IL1RAPL1: variants seen among roughly 807,000 people sequenced by gnomAD.
IL1RAPL1 encodes interleukin-1 receptor accessory protein-like 1.
In IL1RAPL1, 3 loss-of-function variants were observed where a neutral mutation model predicts 48.4. That is an observed-to-expected ratio of 0.06 (90% CI 0.03 to 0.16). The LOEUF (loss-of-function observed/expected upper bound fraction) is 0.16, where lower values mean the gene tolerates loss of function less well. Ranked by LOEUF, IL1RAPL1 falls within the 10% of genes least tolerant of loss-of-function variation. The probability of loss-of-function intolerance (pLI) is 1.00; values close to 1 mark genes in which losing one functional copy is unlikely to be tolerated. For missense variants in IL1RAPL1, 349 were observed against 530.6 expected, an observed-to-expected ratio of 0.66 and a Z score of 3.36; for synonymous variants, 185 against 187.7, an observed-to-expected ratio of 0.99 and a Z score of 0.12.
chrX:29,650,268 A>T (rs1925473208), intron 5 of IL1RAPL1, among the ~76,000 whole-genome samples: 2 of 112,122 alleles, frequency 1.8e-5, no homozygotes, highest in Non-Finnish European at 3.8e-5. Flanking sequence ...CAGAAATAGA[A>T]CAAAGAATCC....
At chrX:29,636,247 A>T (rs970374178) in intron 5 of IL1RAPL1, among the ~76,000 whole-genome samples, 3 of 112,304 alleles carry the variant, frequency 2.7e-5, no homozygotes, top group African/African-American at 9.7e-5. Flanking sequence ...TCAAAGTTAT[A>T]GTATTATAAT....
At chrX:29,795,903 G>T (rs1162019008) in intron 6 of IL1RAPL1, among the ~76,000 whole-genome samples, 2 of 112,608 alleles carry the variant, frequency 1.8e-5, no homozygotes, top group African/African-American at 6.4e-5. Flanking sequence ...AAGACATCAA[G>T]AATAGTTCTG....
chrX:29,874,681 A>G (rs991679519), intron 6 of IL1RAPL1, among the ~76,000 whole-genome samples: 4 of 112,500 alleles, frequency 3.6e-5, no homozygotes, highest in African/African-American at 1.3e-4. Context: ...TCAAAAACCA[A>G]TGCCCACATA....
intron 5 of IL1RAPL1, among the ~76,000 whole-genome samples, chrX:29,566,511 A>C (rs1013399416): frequency 8.9e-6 from 1 of 112,261 alleles, no homozygotes; most frequent in Non-Finnish European, 1.9e-5. Flanking sequence ...TTGAAAACTA[A>C]TTGAGGGATA....
intron 1 of IL1RAPL1, among the ~76,000 whole-genome samples, chrX:28,780,363 G>GTGTGTGTGTGTGTC (rs56989010): frequency 2.3e-3 from 213 of 91,418 alleles, no homozygotes; most frequent in East Asian, 3.4e-3. Context: ...GTGTGTGTGT[G>GTGTGTGTGTGTGTC]TGTCTGTCTG....
intron 5 of IL1RAPL1, among the ~76,000 whole-genome samples, chrX:29,451,942 A>C (rs1417527524): frequency 8.9e-6 from 1 of 111,951 alleles, no homozygotes; most frequent in Non-Finnish European, 1.9e-5. Flanking sequence ...TTGTTCTAAG[A>C]CTTTTTGTGC....
intron 1 of IL1RAPL1, among the ~76,000 whole-genome samples, chrX:28,657,766 C>A (rs748572893): frequency 1.6e-4 from 18 of 111,773 alleles, no homozygotes; most frequent in Admixed American, 1.4e-3. Flanking sequence ...CCCCTCTAAC[C>A]CTGTCCTTGC....
chrX:28,892,088 A>G (rs1033155132), intron 2 of IL1RAPL1, among the ~76,000 whole-genome samples: 18 of 110,889 alleles, frequency 1.6e-4, no homozygotes, highest in Non-Finnish European at 2.1e-4. Context: ...ATTGAATTAT[A>G]AGAGTTCTTT....
At chrX:28,687,804 A>C (rs1457344438) in intron 1 of IL1RAPL1, among the ~76,000 whole-genome samples, 5 of 103,058 alleles carry the variant, frequency 4.9e-5, no homozygotes, top group African/African-American at 1.8e-4. Context: ...AAAAAATAAA[A>C]TAAAATATGG....
At chrX:29,884,652 C>A (rs767466633) in intron 6 of IL1RAPL1, among the ~76,000 whole-genome samples, 1 of 111,118 alleles carries the variant, frequency 9.0e-6, no homozygotes, top group Non-Finnish European at 1.9e-5. Flanking sequence ...ATCTTGCATA[C>A]CTAACTGTCT....
chrX:28,750,263 A>AT (rs1936026481), intron 1 of IL1RAPL1, among the ~76,000 whole-genome samples: 2 of 111,710 alleles, frequency 1.8e-5, no homozygotes, highest in Admixed American at 1.9e-4. Context: ...TATAACTATT[A>AT]TTTTTTAAAT....
intron 3 of IL1RAPL1, among the ~76,000 whole-genome samples, chrX:29,308,960 A>G (rs1439010362): frequency 1.8e-5 from 2 of 111,910 alleles, no homozygotes; most frequent in Admixed American, 1.9e-4. Flanking sequence ...TTGAAATGCA[A>G]ATTGGTCTAG....
At chrX:28,719,185 A>G (rs1375747472) in intron 1 of IL1RAPL1, among the ~76,000 whole-genome samples, 6 of 110,882 alleles carry the variant, frequency 5.4e-5, no homozygotes, top group African/African-American at 2.0e-4. Context: ...GTCCCTAGGT[A>G]TTGTGGACCC....
At chrX:29,427,643 T>A in intron 5 of IL1RAPL1, among the ~76,000 whole-genome samples, 1 of 111,155 alleles carries the variant, frequency 9.0e-6, no homozygotes, top group East Asian at 2.8e-4. Context: ...GGTCCCAGGT[T>A]CAGGTGGCAT....
chrX:29,392,495 G>A (rs1176521252), intron 3 of IL1RAPL1, among the ~76,000 whole-genome samples: 3 of 112,355 alleles, frequency 2.7e-5, no homozygotes, highest in South Asian at 3.6e-4. Flanking sequence ...GCATTCGTTG[G>A]ATACTACTTT....
At chrX:28,940,181 C>T (rs1268305921) in intron 2 of IL1RAPL1, among the ~76,000 whole-genome samples, 1 of 111,479 alleles carries the variant, frequency 9.0e-6, no homozygotes, top group Admixed American at 9.5e-5. Context: ...ACCTTTTCCT[C>T]TCAACTCTGC....
chrX:29,654,132 C>A (rs774190422), intron 5 of IL1RAPL1, among the ~76,000 whole-genome samples: 2 of 108,373 alleles, frequency 1.8e-5, no homozygotes, highest in African/African-American at 6.7e-5. Context: ...GTAATGCCAC[C>A]AAATTAAAGT....
chrX:28,832,432 A>G (rs745318118), intron 2 of IL1RAPL1, among the ~76,000 whole-genome samples: 3 of 111,397 alleles, frequency 2.7e-5, no homozygotes, highest in Non-Finnish European at 5.7e-5. Flanking sequence ...ACAGTCCCCC[A>G]AATTCTCTTT....
intron 2 of IL1RAPL1, among the ~76,000 whole-genome samples, chrX:29,151,401 C>T (rs908158170): frequency 4.5e-5 from 5 of 111,794 alleles, no homozygotes; most frequent in Non-Finnish European, 9.4e-5. Context: ...GCCAAAGTTC[C>T]ATACTAGCAT....
Sources: allele counts gnomAD v4.1 joint callset (sites outside exome capture counted in the v4.1 genomes callset), GRCh38; gene constraint gnomAD v4.1.1; transcripts MANE v1.5; gene names NCBI Gene and HGNC (gene_info 2026-07-23, HGNC 2026-07-21).